Variants in SNTB1 observed in about 807,000 individuals in gnomAD.
SNTB1 encodes beta-1-syntrophin.
In SNTB1, 36 loss-of-function variants were observed where a neutral mutation model predicts 48.9. The ratio of observed to expected loss-of-function variants is 0.74; its 90% CI spans 0.56 to 0.97. SNTB1 has a LOEUF of 0.97. SNTB1 is among the 50% of genes least tolerant of loss of function. The pLI is 0.00. For synonymous variants in SNTB1, 299 were observed against 294.6 expected, an observed-to-expected ratio of 1.01 and a Z score of -0.15; for missense variants, 786 against 703.4, an observed-to-expected ratio of 1.12 and a Z score of -1.33.
Position 120,575,236 on chromosome 8 carries a change from AAGC to A in SNTB1, c.997-14_997-12del, listed in dbSNP as rs1815932353. On this transcript the variant is annotated splice_polypyrimidine_tract_variant and intron_variant, in intron 3 of 6. Transcript: ENST00000517992. ...GCTCTCCCCTGGCACCTGAAAAAGA[AAGC>A]AGAGAACTGTCAAATGACAGCCTGA... 1 of 1,614,068 alleles carries A rather than the reference AAGC, an allele frequency of 6.2e-7. No individual in the cohort carries two copies. The highest frequency in any genetic ancestry group is 8.5e-7 in the Non-Finnish European group (1 of 1,180,006).
At chr8:120,588,076 A>G (rs924359432) in intron 3 of SNTB1, among the ~76,000 whole-genome samples, 8 of 151,556 alleles carry the variant, frequency 5.3e-5, no homozygotes, top group East Asian at 1.9e-4. Flanking sequence ...GCTCTTTGGG[A>G]AAAAAAAATG....
chr8:120,550,412 T>C (rs977814291), intron 4 of SNTB1, among the ~76,000 whole-genome samples: 3 of 151,926 alleles, frequency 2.0e-5, no homozygotes, highest in African/African-American at 7.3e-5. Flanking sequence ...CATGGTGGCA[T>C]GCACCTGTAG....
rs376501553 is a variant in SNTB1, at chr8:120,693,947, C to A, written c.572-39G>T. The A allele has an allele frequency of 1.9e-5, 29 of 1,494,414 alleles. No individual in the cohort carries two copies. In the African/African-American group the frequency reaches 2.2e-4, roughly 11 times the overall value. 92.6% of individuals were successfully genotyped at this position (1,494,414 alleles called of 1,614,324 possible). A position where few individuals can be genotyped will look rare whatever the true frequency, so the allele number is the denominator to read the frequency against. The stretch of plus-strand genomic sequence containing the variant: ...GACAACAAGTGCTTTTAATACATCA[C>A]GGCTGAATTTCTGGGAAGTCTGATT... On this transcript the variant is annotated intron_variant, in intron 1 of 6. Coordinates refer to ENST00000517992, the MANE Select transcript of SNTB1 (RefSeq NM_021021.4).
At chr8:120,734,176 G>A (rs980720961) in intron 1 of SNTB1, among the ~76,000 whole-genome samples, 2 of 152,186 alleles carry the variant, frequency 1.3e-5, no homozygotes, top group Non-Finnish European at 2.9e-5. Flanking sequence ...AGGCGCGATG[G>A]TTCATGCCTG....
intron 1 of SNTB1, among the ~76,000 whole-genome samples, chr8:120,743,372 C>G (rs529832459): frequency 8.5e-4 from 129 of 152,310 alleles, no homozygotes; most frequent in Middle Eastern, 3.4e-3. Flanking sequence ...ATAAAACACC[C>G]TTTCCTTTGT....
At chr8:120,762,343 G>A (rs1023591726) in intron 1 of SNTB1, among the ~76,000 whole-genome samples, 1 of 152,096 alleles carries the variant, frequency 6.6e-6, no homozygotes, top group Non-Finnish European at 1.5e-5. Context: ...ATAGGGTGGC[G>A]GTTCTGCAAA....
chr8:120,799,796 A>C (rs1820188468), intron 1 of SNTB1, among the ~76,000 whole-genome samples: 1 of 151,994 alleles, frequency 6.6e-6, no homozygotes, highest in African/African-American at 2.4e-5. Context: ...GGACCAAAGA[A>C]ATACCTAACA....
At chr8:120,717,188 C>T (rs911851335) in intron 1 of SNTB1, among the ~76,000 whole-genome samples, 2 of 152,206 alleles carry the variant, frequency 1.3e-5, no homozygotes, top group African/African-American at 4.8e-5. Flanking sequence ...TGCTCGGATT[C>T]TGATCCTCAG....
chr8:120,710,597 G>A (rs1385305478), intron 1 of SNTB1, among the ~76,000 whole-genome samples: 1 of 152,190 alleles, frequency 6.6e-6, no homozygotes, highest in African/African-American at 2.4e-5. Context: ...CTGCCCTCAT[G>A]AATGGATTAG....
intron 3 of SNTB1, among the ~76,000 whole-genome samples, chr8:120,590,485 T>A (rs1430407214): frequency 2.0e-5 from 3 of 151,876 alleles, no homozygotes; most frequent in Non-Finnish European, 4.4e-5. Flanking sequence ...TTATATAGAG[T>A]ACTTGCAAGA....
intron 1 of SNTB1, among the ~76,000 whole-genome samples, chr8:120,737,101 T>TCA (rs1402942327): frequency 9.2e-5 from 14 of 152,320 alleles, no homozygotes; most frequent in Admixed American, 2.0e-4. Context: ...CTTGAGCATA[T>TCA]CACACATCCT....
At chr8:120,711,189 A>G (rs4871102) in intron 1 of SNTB1, among the ~76,000 whole-genome samples, 51,922 of 152,134 alleles carry the variant, frequency 0.34, 10,337 homozygotes, top group East Asian at 0.69. Context: ...AAATCACTTC[A>G]TGATTCATTT....
At chr8:120,723,373 G>A (rs1818701493) in intron 1 of SNTB1, among the ~76,000 whole-genome samples, 1 of 152,070 alleles carries the variant, frequency 6.6e-6, no homozygotes, top group African/African-American at 2.4e-5. Context: ...AAGACTAAAA[G>A]TAAATATGCC....
intron 1 of SNTB1, among the ~76,000 whole-genome samples, chr8:120,721,621 T>C (rs1438184362): frequency 6.6e-6 from 1 of 152,196 alleles, no homozygotes; most frequent in Admixed American, 6.5e-5. Context: ...AATATAACCA[T>C]AATGCCATTT....
intron 1 of SNTB1, among the ~76,000 whole-genome samples, chr8:120,744,344 A>G (rs1317260046): frequency 1.3e-5 from 2 of 152,196 alleles, no homozygotes; most frequent in Non-Finnish European, 2.9e-5. Context: ...GATCAATGTT[A>G]GCAATGCAAT....
intron 4 of SNTB1, among the ~76,000 whole-genome samples, chr8:120,569,083 C>T (rs1310273352): frequency 6.6e-6 from 1 of 152,194 alleles, no homozygotes; most frequent in East Asian, 1.9e-4. Flanking sequence ...CAGGTTCAAG[C>T]GATTCTCATG....
chr8:120,667,650 G>A lies in SNTB1; in HGVS notation c.788+26042C>T, dbSNP rs182255623. On this transcript the variant is annotated intron_variant, in intron 2 of 6. Coordinates refer to ENST00000517992, the MANE Select transcript of SNTB1 (RefSeq NM_021021.4). The stretch of plus-strand genomic sequence containing the variant: ...TGGGATTACAGGAGTGAACAACTGC[G>A]TGTGGCCCTGGTAATTTTTTCATAG... Among the ~76,000 whole-genome samples, 152 of 152,242 alleles carry A rather than the reference G, an allele frequency of 1.0e-3. 1 individual carries two copies. Among genetic ancestry groups the A allele is most frequent in the Middle Eastern group, 3.4e-3 (1 of 294 alleles).
intron 2 of SNTB1, among the ~76,000 whole-genome samples, chr8:120,644,038 A>G (rs1256252971): frequency 1.3e-5 from 2 of 152,170 alleles, no homozygotes; most frequent in Non-Finnish European, 2.9e-5. Flanking sequence ...CACCATAGAG[A>G]AGCTTTCAGA....
intron 3 of SNTB1, among the ~76,000 whole-genome samples, chr8:120,610,062 A>T (rs1185699764): frequency 1.3e-5 from 2 of 152,206 alleles, no homozygotes; most frequent in African/African-American, 4.8e-5. Flanking sequence ...AATCACATAA[A>T]GATATAGGCA....
Sources: gnomAD v4.1 joint callset for allele counts (sites outside exome capture counted in the v4.1 genomes callset) on GRCh38, gnomAD v4.1.1 for gene constraint, MANE v1.5 for transcripts, NCBI Gene and HGNC (gene_info 2026-07-23, HGNC 2026-07-21) for gene names.